SLC22A2: variants seen among roughly 807,000 people sequenced by gnomAD.
SLC22A2 encodes the protein organic cation transporter 2.
Under a neutral mutation model 60.5 loss-of-function variants are expected in SLC22A2, and 46 were observed. The observed-to-expected ratio is 0.76, with a 90% CI of 0.60 to 0.97. SLC22A2 has a LOEUF of 0.97. Ranked by LOEUF, SLC22A2 falls within the 50% of genes least tolerant of loss-of-function variation. SLC22A2 has a pLI of 0.00. For synonymous variants in SLC22A2, 303 were observed against 267.0 expected (o/e 1.13, Z -1.31); for missense variants, 701 against 706.6 (o/e 0.99, Z 0.09).
At position 160,258,710 on chromosome 6, in the gene SLC22A2, G is replaced by C. The variant is rs776630141; in HGVS notation, c.48C>G (p.His16Gln). The C allele has an allele frequency of 9.4e-6, 15 of 1,596,954 alleles. No individual in the cohort carries two copies. The highest frequency in any genetic ancestry group is 1.3e-5 in the African/African-American group (1 of 74,660). ...DDVLEHGGEF[H>Q]FFQKQMFFLL... Reference sequence around the variant, plus strand: ...GGAAAAACATTTGCTTCTGGAAAAAGTGAAACTCCCCTCCATGCTCCAGGA... The same window carrying C: ...GGAAAAACATTTGCTTCTGGAAAAACTGAAACTCCCCTCCATGCTCCAGGA... Residue 16 changes from histidine to glutamine, a missense_variant, in exon 1 of 11, where the codon CAC becomes CAG. His to Gln is a conservative substitution (Grantham distance 24). Coordinates refer to ENST00000366953, the MANE Select transcript of SLC22A2 (RefSeq NM_003058.4).
rs770726619 is a variant in SLC22A2 at position 160,243,758 on chromosome 6, G to C, written c.1093C>G (p.Leu365Val). The change falls in exon 7 of 11, where the codon CTC (leucine) becomes GTC (valine). Residue 365 changes from leucine (L) to valine (V), a missense_variant. Coordinates refer to ENST00000366953, the MANE Select transcript of SLC22A2 (RefSeq NM_003058.4). The stretch of plus-strand genomic sequence containing the variant: ...CCTGCAAGGCCCATGTGCATGATGA[G>C]GCCCTGGTAGAGCACAGAGCTCGTG... ...WFTSSVLYQG[L>V]IMHMGLAGDN... 8.1e-6 allele frequency: 13 copies of C among 1,613,830 alleles called. No homozygotes were observed. In the East Asian group the frequency reaches 2.0e-4, roughly 25 times the overall value.
rs531333152 is a variant in SLC22A2 at position 160,244,880 on chromosome 6, T to C, written c.1064+559A>G. On this transcript the variant is annotated intron_variant, in intron 6 of 10. Coordinates refer to ENST00000366953, the MANE Select transcript of SLC22A2 (RefSeq NM_003058.4). ...AGCAGCCTGTAGGTAGCAAACACAA[T>C]AAAGATCAAGTCACTGGGCTGTGAA... is the stretch of plus-strand genomic sequence containing the variant. 3.9e-5 allele frequency: 6 copies of C among 152,126 alleles called. No individual in the cohort carries two copies. In the East Asian group the frequency reaches 5.8e-4, roughly 15 times the overall value. The allele number at this position is 152,126 out of a possible 1,614,324, so 9.4% of individuals were successfully genotyped here. A position where few individuals can be genotyped will look rare whatever the true frequency, so the allele number is the denominator to read the frequency against.
chr6:160,255,864 A>G (rs1783260928), intron 2 of SLC22A2, among the ~76,000 whole-genome samples: 1 of 152,156 alleles, frequency 6.6e-6, no homozygotes, highest in South Asian at 2.1e-4. Context: ...TCATCAAGAG[A>G]GCAAAGCTGC....
rs964360117 is a variant in SLC22A2, at chr6:160,249,280, G to A, written c.778C>T (p.Pro260Ser). Reference sequence around the variant, plus strand: ...GTGAACTGCAACCACCTCCAGTGAGGAAGTGCGTAAGCCACCCCAGCTAGC... The same window carrying A: ...GTGAACTGCAACCACCTCCAGTGAGAAAGTGCGTAAGCCACCCCAGCTAGC... ...LVLAGVAYAL[P>S]HWRWLQFTVS... is the part of the protein sequence containing the mutation. The change falls in exon 4 of 11, where the codon CCT (proline) becomes TCT (serine). Residue 260 changes from proline (P) to serine (S), a missense_variant. Pro to Ser is a moderately conservative substitution (Grantham distance 74). Transcript: ENST00000366953. 5.6e-6 allele frequency: 9 copies of A among 1,613,050 alleles called. No individual in the cohort carries two copies. Among genetic ancestry groups the A allele is most frequent in the African/African-American group, 1.3e-5 (1 of 74,900 alleles).
chr6:160,218,336 G>A (rs904579086), intron 10 of SLC22A2: 3 of 359,742 alleles, frequency 8.3e-6, no homozygotes, highest in East Asian at 1.5e-4. Context: ...AGTAGAAATA[G>A]CAGCAATAGA....
Position 160,258,313 on chromosome 6 carries a change from C to A in SLC22A2, c.414+31G>T, listed in dbSNP as rs771191962. The A allele has an allele frequency of 7.7e-6, 12 of 1,555,022 alleles. No homozygotes were observed. The Admixed American group carries it at 2.3e-4, about 30-fold the overall frequency. The stretch of plus-strand genomic sequence containing the variant: ...TTGAGAAAATCTCCACCATTTGCTT[C>A]TCCATCTGAGCCCTGAGCTCACTCT... On this transcript the variant is annotated intron_variant, in intron 1 of 10. Coordinates refer to ENST00000366953, the MANE Select transcript of SLC22A2 (RefSeq NM_003058.4).
At chr6:160,219,143 C>A (rs780116487) in intron 10 of SLC22A2, among the ~76,000 whole-genome samples, 1 of 16 alleles carries the variant, frequency 0.062, no homozygotes, top group African/African-American at 0.5. Flanking sequence ...AGTACGAACA[C>A]CAGCAGTAAC....
chr6:160,217,197 T>A lies in SLC22A2; in HGVS notation c.*235A>T. On this transcript the variant is annotated 3_prime_UTR_variant, in exon 11 of 11. Transcript: ENST00000366953. ...AAAAAAACCCTCCAGAAAACCAATG[T>A]CCAATGTCCTAGGAATGCTGAGAAT... is the stretch of plus-strand genomic sequence containing the variant. 1 of 377,542 alleles carries A rather than the reference T, an allele frequency of 2.6e-6. No individual in the cohort carries two copies. Among genetic ancestry groups the A allele is most frequent in the Non-Finnish European group, 4.7e-6 (1 of 212,754 alleles). The allele number at this position is 377,542 out of a possible 1,614,324, so 23.4% of individuals were successfully genotyped here.
chr6:160,219,082 A>T, intron 10 of SLC22A2, among the ~76,000 whole-genome samples: 1 of 152,304 alleles, frequency 6.6e-6, no homozygotes, highest in African/African-American at 2.4e-5. Flanking sequence ...CAGTAGCAGC[A>T]TCAGCAACAA....
rs9456513 is a variant in SLC22A2 at position 160,235,288 on chromosome 6, T to A, written c.1501+6186A>T. Among the ~76,000 whole-genome samples, 1,355 of 151,784 alleles carry A rather than the reference T, an allele frequency of 8.9e-3. 29 individuals carry two copies. Among genetic ancestry groups the A allele is most frequent in the African/African-American group, 0.031 (1,284 of 41,368 alleles). On this transcript the variant is annotated intron_variant, in intron 9 of 10. Coordinates refer to ENST00000366953, the MANE Select transcript of SLC22A2 (RefSeq NM_003058.4). ...ATGTGTGACTAGGTAGGAAATATAG[T>A]TTCAGGGATAGCTAATGGCAGTTAT...
At chr6:160,254,472 A>T (rs938243134) in intron 2 of SLC22A2, among the ~76,000 whole-genome samples, 4 of 152,058 alleles carry the variant, frequency 2.6e-5, no homozygotes, top group African/African-American at 9.7e-5. Context: ...CTGTTTTTTT[A>T]AAAAATTATT....
At chr6:160,233,954 A>G (rs1782869282) in intron 9 of SLC22A2, among the ~76,000 whole-genome samples, 2 of 152,240 alleles carry the variant, frequency 1.3e-5, no homozygotes, top group African/African-American at 4.8e-5. Context: ...AAGCTAAGCC[A>G]TCATATCCCC....
At chr6:160,253,084 C>T (rs1783213782) in intron 2 of SLC22A2, among the ~76,000 whole-genome samples, 2 of 152,116 alleles carry the variant, frequency 1.3e-5, no homozygotes, top group African/African-American at 4.8e-5. Context: ...TGGCTTTGCC[C>T]AGGAAAGAAT....
intron 10 of SLC22A2, among the ~76,000 whole-genome samples, chr6:160,221,972 T>G (rs986031064): frequency 5.3e-5 from 8 of 152,192 alleles, no homozygotes; most frequent in African/African-American, 1.9e-4. Flanking sequence ...ACTTGCTTAA[T>G]GTAGGGTTGC....
chr6:160,226,343 C>G (rs1339978095), intron 9 of SLC22A2, among the ~76,000 whole-genome samples: 3 of 152,140 alleles, frequency 2.0e-5, no homozygotes, highest in Non-Finnish European at 2.9e-5. Flanking sequence ...TAATAAAACT[C>G]CAGTCTCCCA....
At chr6:160,235,651 A>G (rs1385161771) in intron 9 of SLC22A2, among the ~76,000 whole-genome samples, 2 of 151,114 alleles carry the variant, frequency 1.3e-5, no homozygotes, top group Non-Finnish European at 3.0e-5. Context: ...TTTTTCCATA[A>G]ATTGAACATT....
chr6:160,254,222 G>A (rs964626789), intron 2 of SLC22A2, among the ~76,000 whole-genome samples: 3 of 152,118 alleles, frequency 2.0e-5, no homozygotes, highest in Admixed American at 2.0e-4. Flanking sequence ...AGGCTGCAGT[G>A]AGCCAAGATT....
At chr6:160,254,632 C>T (rs928545073) in intron 2 of SLC22A2, among the ~76,000 whole-genome samples, 1 of 152,214 alleles carries the variant, frequency 6.6e-6, no homozygotes, top group African/African-American at 2.4e-5. Flanking sequence ...TTAGGCTAGG[C>T]TTCTCACTCC....
At chr6:160,253,683 C>T (rs1783223043) in intron 2 of SLC22A2, among the ~76,000 whole-genome samples, 2 of 152,206 alleles carry the variant, frequency 1.3e-5, no homozygotes, top group African/African-American at 4.8e-5. Context: ...AAATTATATA[C>T]ATTTACAACT....
Sources: allele counts gnomAD v4.1 joint callset (sites outside exome capture counted in the v4.1 genomes callset), GRCh38; gene constraint gnomAD v4.1.1; transcripts MANE v1.5; gene names NCBI Gene and HGNC (gene_info 2026-07-23, HGNC 2026-07-21).